Variants in ASIC2 observed in about 807,000 individuals in gnomAD.
The protein encoded by ASIC2 is acid-sensing ion channel 2.
A neutral mutation model predicts 57.3 loss-of-function variants in ASIC2; 25 were observed. The observed-to-expected ratio is 0.44, with a 90% CI of 0.32 to 0.61. ASIC2 has a LOEUF of 0.61. Ranked by LOEUF, ASIC2 falls within the 20% of genes least tolerant of loss-of-function variation. ASIC2 has a pLI of 0.06. For missense variants in ASIC2, 641 were observed against 738.1 expected (o/e 0.87, Z 1.52); for synonymous variants, 319 against 307.5 (o/e 1.04, Z -0.39).
chr17:34,088,819 T>C (rs1910212782), intron 1 of ASIC2, among the ~76,000 whole-genome samples: 1 of 152,214 alleles, frequency 6.6e-6, no homozygotes, highest in South Asian at 2.1e-4. Context: ...CGAGACTCCG[T>C]GGGCGTAGGA....
chr17:33,227,893 C>T (rs887681218), intron 1 of ASIC2, among the ~76,000 whole-genome samples: 20 of 152,176 alleles, frequency 1.3e-4, no homozygotes, highest in Non-Finnish European at 2.9e-5. Flanking sequence ...AGGAAAGGTG[C>T]ATATGTGACT....
At chr17:33,990,011 G>A (rs989227666) in intron 1 of ASIC2, among the ~76,000 whole-genome samples, 2 of 152,210 alleles carry the variant, frequency 1.3e-5, no homozygotes, top group Admixed American at 6.5e-5. Flanking sequence ...GAGTGAAAGA[G>A]AGGCAGAAGC....
Position 33,079,160 on chromosome 17 carries a change from G to C in ASIC2, c.987+9703C>G, listed in dbSNP as rs116024130. Among the ~76,000 whole-genome samples the C allele has an allele frequency of 6.4e-3, 972 of 152,230 alleles. 5 individuals are homozygous for C. Among genetic ancestry groups the C allele is most frequent in the African/African-American group, 0.022 (910 of 41,522 alleles). On this transcript the variant is annotated intron_variant, in intron 3 of 9. Transcript: ENST00000225823. Reference sequence around the variant, plus strand: ...TTATTGAACATCTTGTATATGTAAGGCACCATGTAAAATATGAAGAATAGA... The same window carrying C: ...TTATTGAACATCTTGTATATGTAAGCCACCATGTAAAATATGAAGAATAGA...
At chr17:33,844,638 A>G (rs1913529778) in intron 1 of ASIC2, among the ~76,000 whole-genome samples, 1 of 152,206 alleles carries the variant, frequency 6.6e-6, no homozygotes, top group African/African-American at 2.4e-5. Flanking sequence ...TCAAAACTTT[A>G]TTTCACAGAG....
At chr17:33,498,232 C>A (rs565880443) in intron 1 of ASIC2, among the ~76,000 whole-genome samples, 1 of 152,188 alleles carries the variant, frequency 6.6e-6, no homozygotes, top group African/African-American at 2.4e-5. Flanking sequence ...GGGCTAGGAA[C>A]GCTCCCACCA....
chr17:33,370,168 C>T (rs1485813519), intron 1 of ASIC2, among the ~76,000 whole-genome samples: 1 of 152,164 alleles, frequency 6.6e-6, no homozygotes, highest in African/African-American at 2.4e-5. Flanking sequence ...TTTCTGCAAC[C>T]TACAGGGAGC....
At chr17:33,457,246 CTT>C (rs5820041) in intron 1 of ASIC2, among the ~76,000 whole-genome samples, 106 of 143,220 alleles carry the variant, frequency 7.4e-4, no homozygotes, top group East Asian at 3.1e-3. Flanking sequence ...TTTTGTTTTT[CTT>C]TTTTTTTTTT....
intron 1 of ASIC2, among the ~76,000 whole-genome samples, chr17:33,476,571 G>A (rs1023366922): frequency 7.3e-6 from 1 of 137,534 alleles, no homozygotes. Flanking sequence ...GTGTGTGTGT[G>A]TGTGTCAGTT....
At chr17:33,395,842 A>C (rs985463644) in intron 1 of ASIC2, among the ~76,000 whole-genome samples, 2 of 152,066 alleles carry the variant, frequency 1.3e-5, no homozygotes, top group African/African-American at 4.8e-5. Context: ...GGCACTTACC[A>C]GTTGACGGAT....
At chr17:33,630,004 G>A (rs774214187) in intron 1 of ASIC2, among the ~76,000 whole-genome samples, 19 of 152,198 alleles carry the variant, frequency 1.2e-4, no homozygotes, top group Non-Finnish European at 1.3e-4. Flanking sequence ...CAGGTTACAT[G>A]TGACTCAGGT....
chr17:34,107,800 T>C (rs1911115163), intron 1 of ASIC2, among the ~76,000 whole-genome samples: 1 of 152,218 alleles, frequency 6.6e-6, no homozygotes, highest in African/African-American at 2.4e-5. Context: ...CTTTCAGTTT[T>C]AGGGTTCTCT....
intron 1 of ASIC2, among the ~76,000 whole-genome samples, chr17:33,407,686 C>G (rs1409835299): frequency 6.6e-6 from 1 of 152,208 alleles, no homozygotes; most frequent in Non-Finnish European, 1.5e-5. Flanking sequence ...ATTTGAGCTT[C>G]AGGCCTTTGC....
At chr17:33,464,540 C>CTCTTTCTTTCTTTCTT (rs778336588) in intron 1 of ASIC2, among the ~76,000 whole-genome samples, 109 of 49,350 alleles carry the variant, frequency 2.2e-3, no homozygotes, top group East Asian at 4.4e-3. Context: ...TTCTTTCTTT[C>CTCTTTCTTTCTTTCTT]TCTTTCTTTC....
intron 1 of ASIC2, among the ~76,000 whole-genome samples, chr17:33,596,133 G>C (rs1386882135): frequency 6.6e-6 from 1 of 152,162 alleles, no homozygotes; most frequent in Non-Finnish European, 1.5e-5. Flanking sequence ...AAATCTTGGA[G>C]CTCTGAGCTT....
chr17:33,544,643 CATTATT>C (rs1915523711), intron 1 of ASIC2, among the ~76,000 whole-genome samples: 1 of 152,086 alleles, frequency 6.6e-6, no homozygotes, highest in Non-Finnish European at 1.5e-5. Flanking sequence ...TAAGATGCGC[CATTATT>C]TTACATACTG....
intron 1 of ASIC2, among the ~76,000 whole-genome samples, chr17:33,515,167 G>T (rs1263242528): frequency 4.6e-5 from 7 of 152,338 alleles, no homozygotes; most frequent in African/African-American, 1.2e-4. Context: ...CAGGGCAGAG[G>T]AATTGCTCCG....
chr17:33,659,597 G>A (rs554985621), intron 1 of ASIC2, among the ~76,000 whole-genome samples: 8 of 152,246 alleles, frequency 5.3e-5, no homozygotes, highest in South Asian at 2.1e-4. Context: ...CTGGCGGGGC[G>A]CGGTGGCTCA....
intron 3 of ASIC2, among the ~76,000 whole-genome samples, chr17:33,061,746 C>T (rs2092021666): frequency 6.6e-6 from 1 of 152,176 alleles, no homozygotes; most frequent in Non-Finnish European, 1.5e-5. Context: ...GGTACCAGCT[C>T]CTCCTTGTAC....
In ASIC2 at chr17:33,978,714, G is replaced by A. The variant is rs537193155; in HGVS notation, c.555+177264C>T. 2.0e-5 allele frequency among the ~76,000 whole-genome samples: 3 copies of A among 152,278 alleles called. No individual in the cohort carries two copies. The South Asian group carries it at 6.2e-4, about 32-fold the overall frequency. On this transcript the variant is annotated intron_variant, in intron 1 of 9. Coordinates refer to the ASIC2 transcript ENST00000359872. ...ACTGAGGGTGACTCTGGCCCTCTGT[G>A]CTAGGCCTACTGTCTGCAGATGCCT...
Sources: gnomAD v4.1 joint callset for allele counts (sites outside exome capture counted in the v4.1 genomes callset) on GRCh38, gnomAD v4.1.1 for gene constraint, MANE v1.5 for transcripts, NCBI Gene and HGNC (gene_info 2026-07-23, HGNC 2026-07-21) for gene names.